The following PDE8A variants were observed in gnomAD, a reference collection of about 807,000 sequenced individuals.
The protein encoded by PDE8A is phosphodiesterase 8A, also known as high affinity cAMP-specific and IBMX-insensitive 3',5'-cyclic phosphodiesterase 8A.
In PDE8A, 59 loss-of-function variants were observed where a neutral mutation model predicts 105.0. That is an observed-to-expected ratio of 0.56 (90% confidence interval 0.46 to 0.70). PDE8A has a LOEUF of 0.70. Ranked by LOEUF, PDE8A falls within the 30% of genes least tolerant of loss-of-function variation. The probability of loss-of-function intolerance (pLI) is 0.00; values close to 1 mark genes in which losing one functional copy is unlikely to be tolerated. For synonymous variants in PDE8A, 355 were observed against 371.9 expected (o/e 0.95, Z 0.52); for missense variants, 1,014 against 1,045.9 (o/e 0.97, Z 0.42).
intron 1 of PDE8A, among the ~76,000 whole-genome samples, chr15:85,010,399 T>A (rs141834421): frequency 1.3e-3 from 197 of 152,324 alleles, no homozygotes; most frequent in African/African-American, 4.5e-3. Flanking sequence ...TTTGACTTCC[T>A]TTTTGCAAAA....
intron 20 of PDE8A, among the ~76,000 whole-genome samples, chr15:85,134,989 G>C (rs2082385115): frequency 6.6e-6 from 1 of 152,208 alleles, no homozygotes; most frequent in Non-Finnish European, 1.5e-5. Context: ...TGGTGCCGTA[G>C]AGCTGCGGTG....
chr15:85,109,027 A>G, intron 11 of PDE8A, 26 bp from the exon 12 acceptor site: 1 of 1,471,830 alleles, frequency 6.8e-7, no homozygotes, highest in South Asian at 1.2e-5. Flanking sequence ...ATCTTTGAAG[A>G]GGTGATTTAT....
intron 5 of PDE8A, among the ~76,000 whole-genome samples, chr15:85,082,822 C>T (rs1262612517): frequency 6.6e-6 from 1 of 152,216 alleles, no homozygotes; most frequent in African/African-American, 2.4e-5. Context: ...AACACAGTGG[C>T]TGCTAAGATG....
intron 1 of PDE8A, among the ~76,000 whole-genome samples, chr15:85,054,254 A>C (rs935338714): frequency 6.6e-6 from 1 of 152,208 alleles, no homozygotes; most frequent in Non-Finnish European, 1.5e-5. Flanking sequence ...ATCGATGTTC[A>C]TCAGGGATAT....
intron 1 of PDE8A, among the ~76,000 whole-genome samples, chr15:85,011,707 A>G (rs1452241006): frequency 6.6e-6 from 1 of 152,224 alleles, no homozygotes; most frequent in Non-Finnish European, 1.5e-5. Flanking sequence ...GGATCTAATT[A>G]AACTAAAGAG....
Position 85,137,936 on chromosome 15 carries a change from T to C in PDE8A, c.*33T>C. 1.5e-6 allele frequency: 2 copies of C among 1,352,656 alleles called. No individual in the cohort carries two copies. Among genetic ancestry groups the C allele is most frequent in the Non-Finnish European group, 2.1e-6 (2 of 943,628 alleles). The allele number at this position is 1,352,656 out of a possible 1,614,324, so 83.8% of individuals were successfully genotyped here. ...CACCACCCAGAGCCCTGAAGCTTTG[T>C]TCCTTCGGTCATTTGGAATTCCTGA... On this transcript the variant is annotated 3_prime_UTR_variant, in exon 22 of 22. Transcript: ENST00000394553.
At chr15:85,039,124 GAA>G (rs35924887) in intron 1 of PDE8A, among the ~76,000 whole-genome samples, 125 of 143,470 alleles carry the variant, frequency 8.7e-4, no homozygotes, top group East Asian at 7.6e-3. Context: ...TCCATCTCAA[GAA>G]AAAAAAAAAA....
intron 1 of PDE8A, among the ~76,000 whole-genome samples, chr15:85,057,853 A>G (rs1483334433): frequency 6.6e-6 from 1 of 152,142 alleles, no homozygotes; most frequent in African/African-American, 2.4e-5. Flanking sequence ...ATCAATTTTC[A>G]TATGTCAATA....
rs933689631 is a variant in PDE8A, at chr15:85,137,998, C to T, written c.*95C>T. ...GCTCCTTGGTCCTTTCAGTACTAGG[C>T]AGAACAGCCCCCGATCTGCATAGCC... On this transcript the variant is annotated 3_prime_UTR_variant, in exon 22 of 22. Coordinates refer to ENST00000394553, the MANE Select transcript of PDE8A (RefSeq NM_002605.3). The T allele has an allele frequency of 1.4e-6, 1 of 734,084 alleles. No individual in the cohort carries two copies. The highest frequency in any genetic ancestry group is 2.4e-6 in the Non-Finnish European group (1 of 418,174). 45.5% of individuals were successfully genotyped at this position (734,084 alleles called of 1,614,324 possible). A position where few individuals can be genotyped will look rare whatever the true frequency, so the allele number is the denominator to read the frequency against.
At chr15:85,068,588 CCACT>C (rs2081266408) in intron 3 of PDE8A, among the ~76,000 whole-genome samples, 1 of 149,450 alleles carries the variant, frequency 6.7e-6, no homozygotes, top group African/African-American at 2.4e-5. Flanking sequence ...TGAATAGATA[CCACT>C]CAGAGGAAGG....
chr15:85,076,884 G>A, intron 5 of PDE8A, 97 bp downstream of exon 5: 3 of 880,306 alleles, frequency 3.4e-6, no homozygotes, highest in Non-Finnish European at 3.8e-6. Flanking sequence ...TTAATTTGAA[G>A]AAAAAAAATT....
In PDE8A at chr15:85,126,374, G is replaced by C. The variant is rs755490265; in HGVS notation, c.2253G>C (p.Gln751His). ...AARISEEYFS[Q>H]TDEEKQQGLP... is the part of the protein sequence containing the mutation. Reference sequence around the variant, plus strand: ...GCATTTCGGAAGAATATTTTTCTCAGGTAAGTTGCTGCCTCTTTTAAGTTT... The same window carrying C: ...GCATTTCGGAAGAATATTTTTCTCACGTAAGTTGCTGCCTCTTTTAAGTTT... Residue 751 changes from glutamine (Q) to histidine (H), a missense_variant and splice_region_variant, in exon 20 of 22, where the codon CAG (glutamine) becomes CAC (histidine). Physicochemically the swap from Gln to His is conservative, Grantham distance 24. Transcript: ENST00000394553. 1 of 1,567,054 alleles carries C rather than the reference G, an allele frequency of 6.4e-7. No homozygotes were observed.
chr15:84,991,682 C>T (rs997848447), intron 1 of PDE8A, among the ~76,000 whole-genome samples: 1 of 152,084 alleles, frequency 6.6e-6, no homozygotes, highest in Non-Finnish European at 1.5e-5. Flanking sequence ...TCCTGTAAAA[C>T]CCAAATGTCC....
intron 12 of PDE8A, among the ~76,000 whole-genome samples, chr15:85,110,256 C>A (rs147067871): frequency 6.6e-6 from 1 of 152,290 alleles, no homozygotes; most frequent in Non-Finnish European, 1.5e-5. Flanking sequence ...TCACCACATG[C>A]TAATGTTTGT....
At chr15:85,000,133 A>T (rs1291029058) in intron 1 of PDE8A, among the ~76,000 whole-genome samples, 3 of 152,180 alleles carry the variant, frequency 2.0e-5, no homozygotes, top group Non-Finnish European at 2.9e-5. Context: ...GGTTCCTTGT[A>T]TATAAAATGT....
Position 85,083,583 on chromosome 15 carries a change from G to A in PDE8A, c.574G>A (p.Ala192Thr), listed in dbSNP as rs1355769346. Reference sequence around the variant, plus strand: ...GTATGTAGAAAACCCCAACATCATGGCCTGCTACAATGAACTGCTCCAGCT... The same window carrying A: ...GTATGTAGAAAACCCCAACATCATGACCTGCTACAATGAACTGCTCCAGCT... ...RRYVENPNIM[A>T]CYNELLQLEF... is the part of the protein sequence containing the mutation. Residue 192 changes from alanine (A) to threonine (T), a missense_variant, in exon 6 of 22, where the codon GCC becomes ACC. By Grantham distance (58) the Ala-to-Thr change is moderately conservative. Transcript: ENST00000394553. 4.3e-6 allele frequency: 7 copies of A among 1,613,046 alleles called. No homozygotes were observed. Among genetic ancestry groups the A allele is most frequent in the Non-Finnish European group, 4.2e-6 (5 of 1,179,198 alleles).
chr15:85,114,114 A>G, intron 14 of PDE8A, 77 bp downstream of exon 14: 1 of 1,253,414 alleles, frequency 8.0e-7, no homozygotes. Flanking sequence ...TCACTTAAAC[A>G]GATATTGAAG....
At chr15:85,064,465 T>G in intron 2 of PDE8A, 39 bp downstream of exon 2, 1 of 1,421,112 alleles carries the variant, frequency 7.0e-7, no homozygotes, top group Non-Finnish European at 9.9e-7. Flanking sequence ...CATGCTGATT[T>G]TCTTTAAAAA....
chr15:85,079,093 G>A (rs1472979634), intron 5 of PDE8A, among the ~76,000 whole-genome samples: 2 of 152,060 alleles, frequency 1.3e-5, no homozygotes, highest in Non-Finnish European at 2.9e-5. Flanking sequence ...TGCTTTCTCT[G>A]GCTCTCTGTC....
Sources: gnomAD v4.1 joint callset for allele counts (sites outside exome capture counted in the v4.1 genomes callset) on GRCh38, gnomAD v4.1.1 for gene constraint, MANE v1.5 for transcripts, NCBI Gene and HGNC (gene_info 2026-07-23, HGNC 2026-07-21) for gene names.